Variants in CTNNA3 observed in about 807,000 individuals in gnomAD.
CTNNA3 encodes the protein catenin alpha 3.
A neutral mutation model predicts 95.7 loss-of-function variants in CTNNA3; 76 were observed. The ratio of observed to expected loss-of-function variants is 0.79; its 90% confidence interval spans 0.66 to 0.96. The LOEUF (loss-of-function observed/expected upper bound fraction) is 0.96. CTNNA3 is among the 40% of genes least tolerant of loss of function. CTNNA3 has a pLI of 0.00. For synonymous variants in CTNNA3, 431 were observed against 374.4 expected (o/e 1.15, Z -1.74); for missense variants, 1,191 against 1,089.8 (o/e 1.09, Z -1.31).
At chr10:67,483,950 A>AT (rs369485820) in intron 5 of CTNNA3, among the ~76,000 whole-genome samples, 1 of 152,226 alleles carries the variant, frequency 6.6e-6, no homozygotes, top group Non-Finnish European at 1.5e-5. Context: ...TGCCAATGAC[A>AT]TTTTTCACAG....
At chr10:67,619,684 A>ATTTTATT (rs1309771556) in intron 2 of CTNNA3, among the ~76,000 whole-genome samples, 2 of 152,306 alleles carry the variant, frequency 1.3e-5, no homozygotes, top group East Asian at 3.9e-4. Flanking sequence ...GGTTAGACAC[A>ATTTTATT]TTTTATTTCT....
chr10:66,798,665 G>A (rs1841307154), intron 7 of CTNNA3, among the ~76,000 whole-genome samples: 1 of 151,584 alleles, frequency 6.6e-6, no homozygotes, highest in African/African-American at 2.4e-5. Flanking sequence ...TAGGAGTTGA[G>A]GTGCATACAG....
At chr10:66,360,422 A>G (rs1305224900) in intron 12 of CTNNA3, among the ~76,000 whole-genome samples, 1 of 152,148 alleles carries the variant, frequency 6.6e-6, no homozygotes, top group African/African-American at 2.4e-5. Context: ...GATGTTGCTC[A>G]TTACTGAACA....
intron 7 of CTNNA3, among the ~76,000 whole-genome samples, chr10:67,133,603 A>G (rs1345029959): frequency 6.6e-6 from 1 of 151,812 alleles, no homozygotes; most frequent in East Asian, 1.9e-4. Context: ...GAAGGGATTA[A>G]CAGGCTTAAG....
chr10:67,418,876 A>T (rs1035582627), intron 5 of CTNNA3, among the ~76,000 whole-genome samples: 13 of 152,220 alleles, frequency 8.5e-5, no homozygotes, highest in African/African-American at 3.1e-4. Context: ...AAAAAATGAT[A>T]AATATATGAG....
intron 7 of CTNNA3, among the ~76,000 whole-genome samples, chr10:67,162,971 T>C (rs2132093188): frequency 6.6e-6 from 1 of 152,030 alleles, no homozygotes; most frequent in South Asian, 2.1e-4. Flanking sequence ...CTATAATTAT[T>C]AAGGAAGTGG....
chr10:66,181,080 G>T (rs2086015589), intron 13 of CTNNA3, among the ~76,000 whole-genome samples: 1 of 151,388 alleles, frequency 6.6e-6, no homozygotes, highest in Non-Finnish European at 1.5e-5. Flanking sequence ...TTAGAGGTAA[G>T]TGTGCTGACT....
intron 11 of CTNNA3, among the ~76,000 whole-genome samples, chr10:66,416,957 T>G (rs2093151612): frequency 6.6e-6 from 1 of 151,798 alleles, no homozygotes; most frequent in Admixed American, 6.6e-5. Context: ...ATGACAGACA[T>G]TAAGAGGAAA....
At chr10:66,320,281 A>T (rs889301173) in intron 12 of CTNNA3, among the ~76,000 whole-genome samples, 2 of 151,826 alleles carry the variant, frequency 1.3e-5, no homozygotes, top group African/African-American at 4.8e-5. Context: ...TTTGGCTTTG[A>T]TTTACCCTAC....
Position 66,927,919 on chromosome 10 carries a change from G to A in CTNNA3, c.1048-152395C>T. The A allele has an allele frequency of 6.2e-7, 1 of 1,614,218 alleles. No individual in the cohort carries two copies. The highest frequency in any genetic ancestry group is 2.2e-5 in the East Asian group (1 of 44,884). On this transcript the variant is annotated intron_variant, in intron 7 of 17. Transcript: ENST00000433211. This position sits in a 1 kb window ranked among gnomAD's most constrained non-coding sequence, Gnocchi z 4.7. ...GCTGAAAAGTTTTAAAGGTCTAAGG[G>A]AGAATACAATTATCTGTGCCAGTCC... is the stretch of plus-strand genomic sequence containing the variant.
intron 10 of CTNNA3, among the ~76,000 whole-genome samples, chr10:66,574,906 G>A (rs1266920074): frequency 1.3e-5 from 2 of 152,112 alleles, no homozygotes; most frequent in Non-Finnish European, 2.9e-5. Flanking sequence ...TGGCCATCTT[G>A]TATGGGTTGG....
chr10:66,860,221 A>T (rs1033551609), intron 7 of CTNNA3, among the ~76,000 whole-genome samples: 1 of 152,172 alleles, frequency 6.6e-6, no homozygotes, highest in Non-Finnish European at 1.5e-5. Context: ...AATCTAAAAG[A>T]ATTGACTTCT....
chr10:67,353,136 G>A (rs1842694145), intron 5 of CTNNA3, among the ~76,000 whole-genome samples: 1 of 152,002 alleles, frequency 6.6e-6, no homozygotes, highest in Admixed American at 6.6e-5. Context: ...TCACCTGTCT[G>A]AATGTCAGTG....
At chr10:67,120,901 C>T (rs1443860308) in intron 7 of CTNNA3, among the ~76,000 whole-genome samples, 8 of 152,038 alleles carry the variant, frequency 5.3e-5, no homozygotes, top group Non-Finnish European at 8.8e-5. Context: ...GTACCATTAA[C>T]GTATAAATAA....
chr10:66,427,967 A>G (rs1400997280), intron 11 of CTNNA3, among the ~76,000 whole-genome samples: 2 of 152,134 alleles, frequency 1.3e-5, no homozygotes, highest in Non-Finnish European at 1.5e-5. Context: ...CAAATTGGAT[A>G]AAGAGTCAAG....
chr10:67,707,695 A>G (rs867111908), intron 1 of CTNNA3, among the ~76,000 whole-genome samples: 5 of 152,158 alleles, frequency 3.3e-5, no homozygotes, highest in African/African-American at 1.2e-4. Context: ...CAAGGTAAGC[A>G]TCAATAGCTA....
chr10:66,885,236 G>A (rs1435117051), intron 7 of CTNNA3, among the ~76,000 whole-genome samples: 1 of 152,028 alleles, frequency 6.6e-6, no homozygotes, highest in Non-Finnish European at 1.5e-5. Context: ...AGTCTTATTT[G>A]GACATATGAT....
At chr10:65,939,713 C>A (rs570610502) in intron 17 of CTNNA3, among the ~76,000 whole-genome samples, 259 of 152,178 alleles carry the variant, frequency 1.7e-3, no homozygotes, top group African/African-American at 6.0e-3. Flanking sequence ...TACCAACTTA[C>A]GTACATTATG....
intron 12 of CTNNA3, among the ~76,000 whole-genome samples, chr10:66,332,653 A>T (rs2092345071): frequency 6.6e-6 from 1 of 151,980 alleles, no homozygotes; most frequent in African/African-American, 2.4e-5. Flanking sequence ...GAATTTTTGC[A>T]TCGATGTTCA....
Sources: allele counts gnomAD v4.1 joint callset (sites outside exome capture counted in the v4.1 genomes callset), GRCh38; gene constraint gnomAD v4.1.1; non-coding constraint Gnocchi (gnomAD v3.1); transcripts MANE v1.5; gene names NCBI Gene and HGNC (gene_info 2026-07-23, HGNC 2026-07-21).